CNTN5: variants seen among roughly 807,000 people sequenced by gnomAD.
CNTN5 encodes contactin-5.
In CNTN5, 77 loss-of-function variants were observed where a neutral mutation model predicts 129.1. The ratio of observed to expected loss-of-function variants is 0.60; its 90% CI spans 0.50 to 0.72. The LOEUF (loss-of-function observed/expected upper bound fraction) is 0.72, where lower values mean the gene tolerates loss of function less well. CNTN5 is among the 30% of genes least tolerant of loss of function. The pLI, the probability that CNTN5 is intolerant of heterozygous loss-of-function variation, is 0.00. For missense variants in CNTN5, 1,478 were observed against 1,328.8 expected, an observed-to-expected ratio of 1.11 and a Z score of -1.75; for synonymous variants, 509 against 465.6, an observed-to-expected ratio of 1.09 and a Z score of -1.20.
chr11:99,993,324 T>C (rs1168805247), intron 8 of CNTN5, among the ~76,000 whole-genome samples: 2 of 152,140 alleles, frequency 1.3e-5, no homozygotes, highest in African/African-American at 4.8e-5. Flanking sequence ...TATCAGCAAC[T>C]TTCAGTAGGA....
chr11:99,428,705 C>T (rs1428391567), intron 2 of CNTN5, among the ~76,000 whole-genome samples: 1 of 151,356 alleles, frequency 6.6e-6, no homozygotes. Flanking sequence ...TATGTATAAG[C>T]ATTTATTCCA....
intron 1 of CNTN5, among the ~76,000 whole-genome samples, chr11:99,283,409 C>T (rs1262040732): frequency 1.3e-5 from 2 of 152,018 alleles, no homozygotes; most frequent in Non-Finnish European, 2.9e-5. Flanking sequence ...TGCACACACA[C>T]ATGCACACAC....
chr11:99,946,111 A>G (rs1950549067), intron 7 of CNTN5, among the ~76,000 whole-genome samples: 1 of 152,162 alleles, frequency 6.6e-6, no homozygotes. Flanking sequence ...TTTAACGGTC[A>G]TCTCCTAAAT....
chr11:99,139,000 G>A (rs1302058717), intron 1 of CNTN5, among the ~76,000 whole-genome samples: 2 of 152,094 alleles, frequency 1.3e-5, no homozygotes, highest in Non-Finnish European at 2.9e-5. Context: ...TAGCACTTTT[G>A]TAGGCAAAAG....
At chr11:99,971,307 G>A (rs61910574) in intron 8 of CNTN5, among the ~76,000 whole-genome samples, 23,406 of 152,080 alleles carry the variant, frequency 0.15, 1,943 homozygotes, top group Middle Eastern at 0.21. Context: ...CACTTTGGGA[G>A]GCCAGGGCAG....
At chr11:99,248,876 T>C (rs1460609592) in intron 1 of CNTN5, among the ~76,000 whole-genome samples, 1 of 152,188 alleles carries the variant, frequency 6.6e-6, no homozygotes, top group African/African-American at 2.4e-5. Context: ...AGCCTTGTAG[T>C]ATAGTTTGAA....
chr11:99,803,021 A>T (rs1009239042), intron 3 of CNTN5, among the ~76,000 whole-genome samples: 3 of 152,114 alleles, frequency 2.0e-5, no homozygotes, highest in Non-Finnish European at 4.4e-5. Context: ...AAGGGTGTGG[A>T]GGCTCAAGCT....
chr11:99,956,921 T>C lies in CNTN5; in HGVS notation c.789T>C (p.Asp263=). The change falls in exon 8 of 25, where the codon GAT becomes GAC. Residue 263 remains aspartate (D), a synonymous_variant. Transcript: ENST00000524871. ...ATATTTCTAAAGTCCAAACATCAGA[T>C]GTTGGCAGCTATATTTGTCTGGTGA... ...NLYISKVQTS[D]VGSYICLVKN... The C allele has an allele frequency of 1.9e-6, 3 of 1,613,898 alleles. No homozygotes were observed. Among genetic ancestry groups the C allele is most frequent in the South Asian group, 1.1e-5 (1 of 91,080 alleles).
intron 3 of CNTN5, among the ~76,000 whole-genome samples, chr11:99,648,595 A>C (rs1220676286): frequency 6.6e-6 from 1 of 151,824 alleles, no homozygotes. Context: ...TAAGTATGTC[A>C]AAGAGATATT....
chr11:99,483,663 T>G (rs536249689), intron 2 of CNTN5, among the ~76,000 whole-genome samples: 23 of 152,124 alleles, frequency 1.5e-4, no homozygotes, highest in African/African-American at 5.1e-4. Flanking sequence ...TCCTGACACT[T>G]CTGGTTGGCC....
intron 3 of CNTN5, among the ~76,000 whole-genome samples, chr11:99,588,219 C>CTA (rs960403791): frequency 8.6e-5 from 13 of 151,954 alleles, no homozygotes; most frequent in Non-Finnish European, 1.3e-4. Flanking sequence ...TGGCGGACGC[C>CTA]TATAGTCCCA....
chr11:99,354,585 T>C (rs1183472411), intron 2 of CNTN5, among the ~76,000 whole-genome samples: 1 of 152,146 alleles, frequency 6.6e-6, no homozygotes. Flanking sequence ...CCCCTCTTTT[T>C]CTCATACCCC....
intron 3 of CNTN5, among the ~76,000 whole-genome samples, chr11:99,757,368 A>G (rs905018122): frequency 6.6e-6 from 1 of 151,766 alleles, no homozygotes; most frequent in African/African-American, 2.4e-5. Flanking sequence ...TCATCTTCAC[A>G]TGGAGCTCTT....
rs151196978 is a variant in CNTN5, at chr11:99,733,474, T to C, written c.56-86070T>C. Among the ~76,000 whole-genome samples the C allele has an allele frequency of 8.7e-4, 132 of 151,630 alleles. 1 individual carries two copies. Among genetic ancestry groups the C allele is most frequent in the African/African-American group, 3.1e-3 (129 of 41,138 alleles). ...AGCTAGTTGAGCAAAAATGAAAAGA[T>C]AACTGGGAGGGTCTATGGAAACTGA... On this transcript the variant is annotated intron_variant, in intron 3 of 24. Coordinates refer to ENST00000524871, the MANE Select transcript of CNTN5 (RefSeq NM_014361.4).
intron 9 of CNTN5, among the ~76,000 whole-genome samples, chr11:100,003,375 C>T (rs1939996878): frequency 6.6e-6 from 1 of 152,106 alleles, no homozygotes; most frequent in African/African-American, 2.4e-5. Flanking sequence ...TCTGGTTTGT[C>T]ACCATTTGCT....
chr11:99,238,753 T>C (rs61893096), intron 1 of CNTN5, among the ~76,000 whole-genome samples: 14,845 of 152,164 alleles, frequency 0.098, 1,558 homozygotes, highest in East Asian at 0.46. Flanking sequence ...TCTATCTACA[T>C]ACAAGTGCAT....
chr11:99,614,918 G>C (rs1219083239), intron 3 of CNTN5, among the ~76,000 whole-genome samples: 4 of 151,830 alleles, frequency 2.6e-5, no homozygotes, highest in African/African-American at 9.6e-5. Context: ...TAGAATTTAA[G>C]TTTTTCCTAA....
chr11:99,808,161 A>G (rs1280258272), intron 3 of CNTN5, among the ~76,000 whole-genome samples: 1 of 152,226 alleles, frequency 6.6e-6, no homozygotes, highest in Admixed American at 6.5e-5. Context: ...AAGAAACAGC[A>G]GTTCCACAGC....
intron 21 of CNTN5, among the ~76,000 whole-genome samples, chr11:100,327,885 C>T (rs1951823417): frequency 6.6e-6 from 1 of 152,070 alleles, no homozygotes; most frequent in Admixed American, 6.5e-5. Flanking sequence ...GACAAAATTA[C>T]TCTCAAAGAT....
Sources: allele counts gnomAD v4.1 joint callset (sites outside exome capture counted in the v4.1 genomes callset), GRCh38; gene constraint gnomAD v4.1.1; transcripts MANE v1.5; gene names NCBI Gene and HGNC (gene_info 2026-07-23, HGNC 2026-07-21).